PRR5: variants seen among roughly 807,000 people sequenced by gnomAD.
PRR5 encodes the protein proline rich 5, also known as proline-rich protein 5.
In PRR5, 25 loss-of-function variants were observed where a neutral mutation model predicts 30.6. That is an observed-to-expected ratio of 0.82 (90% CI 0.60 to 1.14). PRR5 has a LOEUF of 1.14. Among genes scored for constraint, PRR5 ranks in the 50% most tolerant of loss-of-function variants. PRR5 has a pLI of 0.00. For synonymous variants in PRR5, 286 were observed against 247.1 expected, an observed-to-expected ratio of 1.16 and a Z score of -1.48; for missense variants, 600 against 547.1, an observed-to-expected ratio of 1.10 and a Z score of -0.96.
In PRR5 at chr22:44,736,865, C is replaced by G; in HGVS notation, c.785C>G (p.Pro262Arg). Residue 262 changes from proline to arginine, a missense_variant, in exon 8 of 8, where the codon CCC becomes CGC. By Grantham distance (103) the Pro-to-Arg change is moderately radical. Transcript: ENST00000336985. ...SKSYNTPLLN[P>R]VQEHEAEGAA... is the part of the protein sequence containing the mutation. Reference sequence around the variant, plus strand: ...AGCTACAACACGCCTCTGCTGAACCCCGTGCAGGAGCACGAGGCGGAGGGC... The same window carrying G: ...AGCTACAACACGCCTCTGCTGAACCGCGTGCAGGAGCACGAGGCGGAGGGC... 3.7e-6 allele frequency: 6 copies of G among 1,609,532 alleles called. No homozygotes were observed. The highest frequency in any genetic ancestry group is 5.1e-6 in the Non-Finnish European group (6 of 1,178,024).
At chr22:44,669,190 C>T (rs1285904860) in intron 1 of PRR5, among the ~76,000 whole-genome samples, 2 of 151,542 alleles carry the variant, frequency 1.3e-5, no homozygotes, top group South Asian at 2.1e-4. Context: ...CGCCCCGTGT[C>T]CCCATCTCCT....
intron 1 of PRR5, among the ~76,000 whole-genome samples, chr22:44,687,383 A>G (rs2146959547): frequency 6.6e-6 from 1 of 152,308 alleles, no homozygotes; most frequent in Admixed American, 6.5e-5. Flanking sequence ...TCTCCCAAGC[A>G]GCCTACGGCT....
At position 44,737,401 on chromosome 22, in the gene PRR5, G is replaced by C; in HGVS notation, c.*154G>C. 1 of 1,368,344 alleles carries C rather than the reference G, an allele frequency of 7.3e-7. No homozygotes were observed. Among genetic ancestry groups the C allele is most frequent in the Non-Finnish European group, 9.6e-7 (1 of 1,042,436 alleles). The allele number at this position is 1,368,344 out of a possible 1,614,324, so 84.8% of individuals were successfully genotyped here. A position where few individuals can be genotyped will look rare whatever the true frequency, so the allele number is the denominator to read the frequency against. On this transcript the variant is annotated 3_prime_UTR_variant, in exon 8 of 8. Transcript: ENST00000336985. ...CTTGGTCACTTTGTATTTCTGTCTT[G>C]GTTGGAAATACCATCAGCCTTCCTT...
chr22:44,731,159 G>T, intron 4 of PRR5: 1 of 266,052 alleles, frequency 3.8e-6, no homozygotes, highest in Admixed American at 5.0e-5. Context: ...ACACCTGTGT[G>T]GGTCTCACTT....
At chr22:44,730,400 C>T (rs1921727700) in intron 4 of PRR5, 2 of 985,154 alleles carry the variant, frequency 2.0e-6, no homozygotes, top group Non-Finnish European at 2.4e-6. Context: ...ATCCCTGGAC[C>T]CAGCAGCCCT....
At chr22:44,673,705 G>C (rs968529080), upstream of PRR5, among the ~76,000 whole-genome samples, 5 of 152,138 alleles carry the variant, frequency 3.3e-5, no homozygotes, top group African/African-American at 1.2e-4. Flanking sequence ...TGGGTAGGTG[G>C]CGGTGATGGT....
chr22:44,725,187 C>T (rs1930491878), intron 2 of PRR5, 57 bp from the exon 3 acceptor site: 1 of 1,604,824 alleles, frequency 6.2e-7, no homozygotes, highest in Admixed American at 1.7e-5. Flanking sequence ...TCCGTGGGTC[C>T]CCCATGCCAG....
chr22:44,733,726 CGTG>C (rs1922666466), intron 6 of PRR5, among the ~76,000 whole-genome samples: 1 of 152,156 alleles, frequency 6.6e-6, no homozygotes, highest in Non-Finnish European at 1.5e-5. Context: ...TCCAGGGACA[CGTG>C]GGGTCCCCTG....
At chr22:44,682,392 G>A (rs2146947154) in intron 1 of PRR5, among the ~76,000 whole-genome samples, 1 of 152,334 alleles carries the variant, frequency 6.6e-6, no homozygotes, top group Non-Finnish European at 1.5e-5. Flanking sequence ...CCCAGCCAGA[G>A]CTCTTCATCC....
chr22:44,736,009 G>A (rs1602108301), intron 7 of PRR5, among the ~76,000 whole-genome samples: 1 of 152,194 alleles, frequency 6.6e-6, no homozygotes, highest in African/African-American at 2.4e-5. Context: ...TGAGCCGCTC[G>A]TGTGTGTCGC....
chr22:44,729,796 C>G (rs1462830844), intron 4 of PRR5: 2 of 985,380 alleles, frequency 2.0e-6, no homozygotes, highest in Admixed American at 1.2e-4. Context: ...CGCAGCATTT[C>G]CGCCCCGTGG....
intron 1 of PRR5, among the ~76,000 whole-genome samples, chr22:44,696,804 T>C (rs1019401110): frequency 1.3e-5 from 2 of 152,264 alleles, no homozygotes; most frequent in South Asian, 2.1e-4. Flanking sequence ...TGGCACGATC[T>C]TGGCTCACTG....
At chr22:44,732,998 A>G (rs132402) in intron 6 of PRR5, among the ~76,000 whole-genome samples, 108,013 of 151,650 alleles carry the variant, frequency 0.71, 38,798 homozygotes, top group Middle Eastern at 0.8. Flanking sequence ...ATGTGCGCGC[A>G]CACATACTAC....
At chr22:44,707,232 GGCT>G (rs1306873389) in intron 1 of PRR5, among the ~76,000 whole-genome samples, 1 of 152,248 alleles carries the variant, frequency 6.6e-6, no homozygotes, top group Non-Finnish European at 1.5e-5. Context: ...CGTGCTCTTG[GGCT>G]GCGGGGCCAA....
upstream of PRR5, among the ~76,000 whole-genome samples, chr22:44,701,989 G>A (rs916214792): frequency 6.6e-6 from 1 of 152,134 alleles, no homozygotes; most frequent in Non-Finnish European, 1.5e-5. Context: ...GGGCACGTGG[G>A]GCCCTCGGAA....
At chr22:44,726,342 C>T (rs904173806) in intron 3 of PRR5, among the ~76,000 whole-genome samples, 2 of 152,352 alleles carry the variant, frequency 1.3e-5, no homozygotes, top group Middle Eastern at 3.4e-3. Flanking sequence ...GCCCACCTCT[C>T]GGGATGTCCG....
At chr22:44,709,348 G>C (rs558658342) in intron 1 of PRR5, among the ~76,000 whole-genome samples, 3 of 152,034 alleles carry the variant, frequency 2.0e-5, no homozygotes, top group South Asian at 4.1e-4. Flanking sequence ...AGGGAGAGGC[G>C]GGGGTAAAAG....
At position 44,737,128 on chromosome 22, in the gene PRR5, G is replaced by A. The variant is rs763607745; in HGVS notation, c.1048G>A (p.Asp350Asn). ...LPRSSPENLV[D>N]QILESVDSDS... ...CCGCTCCAGCCCGGAGAACCTGGTG[G>A]ACCAGATCCTGGAGTCCGTGGACTC... Residue 350 changes from aspartate (D) to asparagine (N), a missense_variant, in exon 8 of 8, where the codon GAC (aspartate) becomes AAC (asparagine). By Grantham distance (23) the Asp-to-Asn change is conservative. Coordinates refer to ENST00000336985, the MANE Select transcript of PRR5 (RefSeq NM_181333.4). 2.5e-6 allele frequency: 4 copies of A among 1,612,510 alleles called. No individual in the cohort carries two copies. In the East Asian group the frequency reaches 8.9e-5, roughly 36 times the overall value.
chr22:44,687,963 C>T lies in PRR5; in HGVS notation c.-11+10723C>T, dbSNP rs567762825. On this transcript the variant is annotated intron_variant, in intron 1 of 8. Transcript: ENST00000006251. ...CTAATTTTTGTATTTTTAGTAGAGA[C>T]GGGGTTTCACCCTGTTGGTCAGGCT... 3.0e-3 allele frequency among the ~76,000 whole-genome samples: 453 copies of T among 151,770 alleles called. 1 individual carries two copies. Among genetic ancestry groups the T allele is most frequent in the Middle Eastern group, 0.014 (4 of 294 alleles).
Sources: gnomAD v4.1 joint callset for allele counts (sites outside exome capture counted in the v4.1 genomes callset) on GRCh38, gnomAD v4.1.1 for gene constraint, MANE v1.5 for transcripts, NCBI Gene and HGNC (gene_info 2026-07-23, HGNC 2026-07-21) for gene names.